Variants in CTNNBIP1 observed in about 807,000 individuals in gnomAD.
CTNNBIP1 encodes catenin beta interacting protein 1.
In CTNNBIP1, 7 loss-of-function variants were observed where a neutral mutation model predicts 11.8. The observed-to-expected ratio is 0.60, with a 90% confidence interval of 0.34 to 1.12. The LOEUF (loss-of-function observed/expected upper bound fraction) is 1.12, where lower values mean the gene tolerates loss of function less well. Ranked by LOEUF, CTNNBIP1 falls within the 50% of genes most tolerant of loss-of-function variation. The pLI, the probability that CTNNBIP1 is intolerant of heterozygous loss-of-function variation, is 0.03. For synonymous variants in CTNNBIP1, 58 were observed against 43.9 expected, an observed-to-expected ratio of 1.32 and a Z score of -1.26; for missense variants, 101 against 113.4, an observed-to-expected ratio of 0.89 and a Z score of 0.50.
intron 1 of CTNNBIP1, among the ~76,000 whole-genome samples, chr1:9,902,620 G>T (rs1050560254): frequency 6.6e-6 from 1 of 152,194 alleles, no homozygotes; most frequent in African/African-American, 2.4e-5. Context: ...ACTGGGGCCA[G>T]TGTGCATCTG....
At chr1:9,909,443 G>GC (rs1426776949) in intron 1 of CTNNBIP1, among the ~76,000 whole-genome samples, 1 of 152,150 alleles carries the variant, frequency 6.6e-6, no homozygotes, top group East Asian at 1.9e-4. Flanking sequence ...GGGATGGAGG[G>GC]CCTAGCAGAG....
chr1:9,871,673 G>C lies in CTNNBIP1; in HGVS notation c.96+296C>G, dbSNP rs1638863737. On this transcript the variant is annotated intron_variant, in intron 4 of 5. Coordinates refer to ENST00000377263, the MANE Select transcript of CTNNBIP1 (RefSeq NM_020248.3). The surrounding 1 kb of genome is among the most constrained non-coding windows in gnomAD (Gnocchi z 5.2). ...AAGTTGTCCCTGAGCTGCCCCCTGGGAGAGAAGACTTTCGGGCTTGTGAGG... is the reference window on the plus strand; with the variant it reads ...AAGTTGTCCCTGAGCTGCCCCCTGGCAGAGAAGACTTTCGGGCTTGTGAGG... Among the ~76,000 whole-genome samples, 1 of 152,180 alleles carries C rather than the reference G, an allele frequency of 6.6e-6. No homozygotes were observed. The highest frequency in any genetic ancestry group is 1.9e-4 in the East Asian group (1 of 5,192).
At chr1:9,866,134 A>C (rs1006491329) in intron 5 of CTNNBIP1, among the ~76,000 whole-genome samples, 1 of 152,252 alleles carries the variant, frequency 6.6e-6, no homozygotes, top group Non-Finnish European at 1.5e-5. Context: ...AGCCCGGTCA[A>C]TAGATGGATT....
rs979690534 is a variant in CTNNBIP1, at chr1:9,870,070, C to A, written c.187+1117G>T. Among the ~76,000 whole-genome samples, 6 of 152,344 alleles carry A rather than the reference C, an allele frequency of 3.9e-5. No individual in the cohort carries two copies. The South Asian group carries it at 1.2e-3, about 32-fold the overall frequency. On this transcript the variant is annotated intron_variant, in intron 5 of 5. Coordinates refer to ENST00000377263, the MANE Select transcript of CTNNBIP1 (RefSeq NM_020248.3). ...AGTTGGGTGCACAAGCCAGGTCACA[C>A]CCAGCATCGGTGCTTGGGAACAGGC...
intron 5 of CTNNBIP1, among the ~76,000 whole-genome samples, chr1:9,858,123 G>A (rs1638546593): frequency 6.6e-6 from 1 of 152,134 alleles, no homozygotes; most frequent in African/African-American, 2.4e-5. Flanking sequence ...CTACTTATAA[G>A]GTAGATGCTA....
chr1:9,859,581 A>C (rs1328603726), intron 5 of CTNNBIP1, among the ~76,000 whole-genome samples: 1 of 152,214 alleles, frequency 6.6e-6, no homozygotes. Flanking sequence ...GAGACTCTTA[A>C]GCTGAAGTCT....
At chr1:9,898,231 T>G (rs1639449477) in intron 1 of CTNNBIP1, among the ~76,000 whole-genome samples, 1 of 149,388 alleles carries the variant, frequency 6.7e-6, no homozygotes, top group South Asian at 2.1e-4. Context: ...AATATATAAT[T>G]AAAAGAACAG....
intron 2 of CTNNBIP1, among the ~76,000 whole-genome samples, chr1:9,879,762 C>T (rs1316164327): frequency 6.6e-6 from 1 of 152,108 alleles, no homozygotes; most frequent in African/African-American, 2.4e-5. Context: ...CTTCTACTAC[C>T]ATGACAGCCA....
rs1638882242 is a variant in CTNNBIP1 at position 9,872,347 on chromosome 1, T to C, written c.-24-259A>G. ...CTGCTGCCTCTGTGCATGAAGCTGC[T>C]GCGTCCAGGAAAACTGAGATGACCT... On this transcript the variant is annotated intron_variant, in intron 3 of 5. Transcript: ENST00000377263. This position sits in a 1 kb window ranked among gnomAD's most constrained non-coding sequence, Gnocchi z 4.0. 6.6e-6 allele frequency among the ~76,000 whole-genome samples: 1 copy of C among 152,228 alleles called. No individual in the cohort carries two copies. The highest frequency in any genetic ancestry group is 1.5e-5 in the Non-Finnish European group (1 of 68,036).
chr1:9,895,598 C>T (rs1193346491), intron 1 of CTNNBIP1, among the ~76,000 whole-genome samples: 1 of 152,146 alleles, frequency 6.6e-6, no homozygotes, highest in Non-Finnish European at 1.5e-5. Context: ...CGGGTTCAAG[C>T]GATTCCATTG....
intron 1 of CTNNBIP1, among the ~76,000 whole-genome samples, chr1:9,902,436 A>G (rs1211580240): frequency 1.3e-5 from 2 of 152,202 alleles, no homozygotes; most frequent in African/African-American, 2.4e-5. Flanking sequence ...TTAAGTGGGA[A>G]GGGAGTTCTT....
chr1:9,891,974 T>C (rs1446603003), intron 1 of CTNNBIP1, among the ~76,000 whole-genome samples: 1 of 151,988 alleles, frequency 6.6e-6, no homozygotes, highest in African/African-American at 2.4e-5. Context: ...GCTAATTTTA[T>C]TTTGTATTTT....
chr1:9,862,213 C>T (rs1459111638), intron 5 of CTNNBIP1, among the ~76,000 whole-genome samples: 1 of 152,196 alleles, frequency 6.6e-6, no homozygotes, highest in Non-Finnish European at 1.5e-5. Context: ...TCACCTAAAA[C>T]CCTGACATAT....
At chr1:9,870,424 G>A (rs1490317651) in intron 5 of CTNNBIP1, among the ~76,000 whole-genome samples, 1 of 152,208 alleles carries the variant, frequency 6.6e-6, no homozygotes, top group Admixed American at 6.5e-5. Context: ...TGTGGGTTAT[G>A]GGCAAGATGG....
At chr1:9,902,256 G>A (rs1639536323) in intron 1 of CTNNBIP1, among the ~76,000 whole-genome samples, 1 of 152,138 alleles carries the variant, frequency 6.6e-6, no homozygotes, top group African/African-American at 2.4e-5. Context: ...TGTCGGGCAG[G>A]AAGAGAACTC....
At chr1:9,870,869 C>G (rs115245037) in intron 5 of CTNNBIP1, among the ~76,000 whole-genome samples, 1,873 of 152,294 alleles carry the variant, frequency 0.012, 22 homozygotes, top group South Asian at 0.02. Context: ...TAAAGAAATG[C>G]AATAATCAGT....
chr1:9,872,096 G>A lies in CTNNBIP1; in HGVS notation c.-24-8C>T, dbSNP rs1638876426. The A allele has an allele frequency of 3.4e-6, 5 of 1,487,616 alleles. No individual in the cohort carries two copies. The highest frequency in any genetic ancestry group is 1.7e-4 in the Middle Eastern group (1 of 5,842). 92.2% of individuals were successfully genotyped at this position (1,487,616 alleles called of 1,614,324 possible). A position where few individuals can be genotyped will look rare whatever the true frequency, so the allele number is the denominator to read the frequency against. On this transcript the variant is annotated splice_polypyrimidine_tract_variant and splice_region_variant and intron_variant, in intron 3 of 5. Transcript: ENST00000377263. This position sits in a 1 kb window ranked among gnomAD's most constrained non-coding sequence, Gnocchi z 4.0. Reference sequence around the variant, plus strand: ...GCCTGGCTCTGGGGACTCCTGCAGAGCAAGCAACAGCATCAAAAGGGAAGA... The same window carrying A: ...GCCTGGCTCTGGGGACTCCTGCAGAACAAGCAACAGCATCAAAAGGGAAGA...
intron 5 of CTNNBIP1, among the ~76,000 whole-genome samples, chr1:9,858,083 G>C (rs573133299): frequency 3.9e-5 from 6 of 152,244 alleles, no homozygotes; most frequent in African/African-American, 1.4e-4. Flanking sequence ...CACACACAAT[G>C]CATCAGCAAA....
chr1:9,857,431 T>G (rs1638530511), intron 5 of CTNNBIP1, among the ~76,000 whole-genome samples: 1 of 144,008 alleles, frequency 6.9e-6, no homozygotes, highest in Non-Finnish European at 1.5e-5. Context: ...GCAGAGCTTG[T>G]AGTGAGCTGA....
Sources: allele counts gnomAD v4.1 joint callset (sites outside exome capture counted in the v4.1 genomes callset), GRCh38; gene constraint gnomAD v4.1.1; non-coding constraint Gnocchi (gnomAD v3.1); transcripts MANE v1.5; gene names NCBI Gene and HGNC (gene_info 2026-07-23, HGNC 2026-07-21).